COL18A1: variants seen among roughly 807,000 people sequenced by gnomAD.
COL18A1 encodes the protein collagen type XVIII alpha 1 chain.
Under a neutral mutation model 168.0 loss-of-function variants are expected in COL18A1, and 133 were observed. The ratio of observed to expected loss-of-function variants is 0.79; its 90% CI spans 0.69 to 0.91. The LOEUF is 0.91. Among genes scored for constraint, COL18A1 ranks in the 40% least tolerant of loss-of-function variants. COL18A1 has a pLI of 0.00. For synonymous variants in COL18A1, 949 were observed against 809.0 expected (o/e 1.17, Z -2.94); for missense variants, 2,126 against 1,925.4 (o/e 1.10, Z -1.95).
chr21:45,494,841 C>G (rs2036477064), intron 27 of COL18A1, 21 bp from the exon 28 acceptor site: 1 of 1,602,436 alleles, frequency 6.2e-7, no homozygotes, highest in Admixed American at 1.7e-5. Flanking sequence ...CCCACTAAGC[C>G]TGGCCCCCTT....
intron 2 of COL18A1, among the ~76,000 whole-genome samples, chr21:45,438,468 C>G (rs9977609): frequency 0.95 from 140,722 of 148,496 alleles, 66,753 homozygotes; most frequent in East Asian, 0.99. Flanking sequence ...TGCCTGGGCA[C>G]GGAGTGCCGG....
intron 31 of COL18A1, 93 bp downstream of exon 31, chr21:45,497,185 C>T: frequency 1.2e-6 from 1 of 859,200 alleles, no homozygotes; most frequent in Non-Finnish European, 2.0e-6. Context: ...AGTGAGACTC[C>T]CCCAGTGGCC....
chr21:45,414,713 G>T (rs2033393391), intron 2 of COL18A1, among the ~76,000 whole-genome samples: 1 of 152,216 alleles, frequency 6.6e-6, no homozygotes, highest in South Asian at 2.1e-4. Context: ...GGACACTAAT[G>T]TCCCCGAACC....
Position 45,510,256 on chromosome 21 carries a change from C to G in COL18A1, c.3688C>G (p.Leu1230Val). Residue 1230 changes from leucine (L) to valine (V), a missense_variant, in exon 40 of 42, where the codon CTC becomes GTC. Leu to Val is a conservative substitution (Grantham distance 32). Coordinates refer to ENST00000651438, the MANE Select transcript of COL18A1 (RefSeq NM_001379500.1). Reference sequence around the variant, plus strand: ...CCGCGCAGCCGTGCCCATCGTCAACCTCAAGGTGGGTCAGTCCAGTCCTGA... The same window carrying G: ...CCGCGCAGCCGTGCCCATCGTCAACGTCAAGGTGGGTCAGTCCAGTCCTGA... ...ADRAAVPIVNLKDELLFPSWE... is the reference protein window; with the variant it reads ...ADRAAVPIVNVKDELLFPSWE... 1 of 1,604,316 alleles carries G rather than the reference C, an allele frequency of 6.2e-7. No homozygotes were observed. The highest frequency in any genetic ancestry group is 8.5e-7 in the Non-Finnish European group (1 of 1,176,126).
At chr21:45,461,491 G>A (rs1304581422) in intron 2 of COL18A1, among the ~76,000 whole-genome samples, 1 of 152,060 alleles carries the variant, frequency 6.6e-6, no homozygotes, top group East Asian at 1.9e-4. Context: ...GCACCATTAG[G>A]GTGGACACCT....
intron 2 of COL18A1, among the ~76,000 whole-genome samples, chr21:45,434,616 A>C (rs1439369350): frequency 6.6e-6 from 1 of 151,754 alleles, no homozygotes; most frequent in Non-Finnish European, 1.5e-5. Flanking sequence ...AACCCAGTGC[A>C]TCTTCTCCTC....
chr21:45,436,746 G>T (rs1438327977), intron 2 of COL18A1, among the ~76,000 whole-genome samples: 1 of 151,962 alleles, frequency 6.6e-6, no homozygotes, highest in Non-Finnish European at 1.5e-5. Flanking sequence ...AGCCGTGGCT[G>T]TGGGGTCCCT....
chr21:45,417,379 C>T (rs555943587), intron 2 of COL18A1, among the ~76,000 whole-genome samples: 2 of 152,330 alleles, frequency 1.3e-5, no homozygotes, highest in Non-Finnish European at 2.9e-5. Flanking sequence ...CTGGATTGGC[C>T]CCCGAACGTG....
At chr21:45,504,085 C>G in intron 33 of COL18A1, 31 bp downstream of exon 33, 1 of 1,612,178 alleles carries the variant, frequency 6.2e-7, no homozygotes, top group East Asian at 2.2e-5. Context: ...GTTGGGGGCC[C>G]CCAAGGTCCT....
rs1237194263 is a variant in COL18A1, at chr21:45,423,770, C to G, written c.106+18297C>G. 6.6e-6 allele frequency: 1 copy of G among 152,316 alleles called. No individual in the cohort carries two copies. Among genetic ancestry groups the G allele is most frequent in the Non-Finnish European group, 1.5e-5 (1 of 68,102 alleles). The allele number at this position is 152,316 out of a possible 1,614,324, so 9.4% of individuals were successfully genotyped here. A position where few individuals can be genotyped will look rare whatever the true frequency, so the allele number is the denominator to read the frequency against. ...TTCTCCCTGAGTGCATTGCCCATAC[C>G]GGGTGGAGGCAGTTCCGTCCTGCAG... On this transcript the variant is annotated intron_variant, in intron 2 of 41. Transcript: ENST00000651438. This position sits in a 1 kb window ranked among gnomAD's most constrained non-coding sequence, Gnocchi z 4.0.
chr21:45,486,897 G>C lies in COL18A1; in HGVS notation c.1738G>C (p.Gly580Arg), dbSNP rs2036132996. 6.6e-7 allele frequency: 1 copy of C among 1,525,402 alleles called. No homozygotes were observed. The highest frequency in any genetic ancestry group is 2.5e-5 in the East Asian group (1 of 40,418). 94.5% of individuals were successfully genotyped at this position (1,525,402 alleles called of 1,614,324 possible). The change falls in exon 16 of 42, where the codon GGG (glycine) becomes CGG (arginine). Residue 580 changes from glycine (G) to arginine (R), a missense_variant. Coordinates refer to ENST00000651438, the MANE Select transcript of COL18A1 (RefSeq NM_001379500.1). Reference sequence around the variant, plus strand: ...AGCCCCCGGTCCTGCTGGTGCTCGTGGGGAGAGCGGCCTGGCAGGAGCCCC... The same window carrying C: ...AGCCCCCGGTCCTGCTGGTGCTCGTCGGGAGAGCGGCCTGGCAGGAGCCCC... ...KGAPGPAGAR[G>R]ESGLAGAPGP...
rs1170120551 is a variant in COL18A1 at position 45,476,922 on chromosome 21, TG to T, written c.928+443del. Among the ~76,000 whole-genome samples the T allele has an allele frequency of 0.015, 642 of 44,256 alleles. 15 individuals are homozygous for T. In the East Asian group the frequency reaches 0.17, roughly 12 times the overall value. The allele number at this position is 44,256 out of a possible 152,430, so 29.0% of individuals were successfully genotyped here. A position where few individuals can be genotyped will look rare whatever the true frequency, so the allele number is the denominator to read the frequency against. ...TGTGTGTGATGTGTATTATGTGTTT[TG>T]TGTGTGTGTGTGTGTGTGTGTGTGT... On this transcript the variant is annotated intron_variant, in intron 6 of 41. Transcript: ENST00000651438.
In COL18A1 at chr21:45,471,375, T is replaced by C. The variant is rs1602465346; in HGVS notation, c.652-2520T>C. ...CACAAGATTTTCTCAGACTTCTGAA[T>C]TGAGATACTTGGGAAAGAAACATTC... On this transcript the variant is annotated intron_variant, in intron 3 of 41. Coordinates refer to ENST00000651438, the MANE Select transcript of COL18A1 (RefSeq NM_001379500.1). The surrounding 1 kb of genome is among the most constrained non-coding windows in gnomAD (Gnocchi z 4.4). Among the ~76,000 whole-genome samples the C allele has an allele frequency of 1.3e-5, 2 of 152,236 alleles. No individual in the cohort carries two copies. The highest frequency in any genetic ancestry group is 4.8e-5 in the African/African-American group (2 of 41,456).
intron 39 of COL18A1, 125 bp downstream of exon 39, chr21:45,509,726 GCTCAGGGCCA>G (rs1013332937): frequency 4.0e-5 from 29 of 726,722 alleles, no homozygotes; most frequent in African/African-American, 2.4e-4. Flanking sequence ...GGGTCTGGCG[GCTCAGGGCCA>G]CTCAGGGCGG....
chr21:45,484,321 GCA>G lies in COL18A1; in HGVS notation c.1701+1507_1701+1508del, dbSNP rs1555865093. Among the ~76,000 whole-genome samples, 161 of 117,882 alleles carry G rather than the reference GCA, an allele frequency of 1.4e-3. 3 individuals carry two copies. Among genetic ancestry groups the G allele is most frequent in the African/African-American group, 4.3e-3 (113 of 26,148 alleles). 77.3% of individuals were successfully genotyped at this position (117,882 alleles called of 152,430 possible). A position where few individuals can be genotyped will look rare whatever the true frequency, so the allele number is the denominator to read the frequency against. Reference sequence around the variant, plus strand: ...GCACACACACACCTCCAGCATACATGCACACACATGCACACACACATCTCCAG... The same window carrying G: ...GCACACACACACCTCCAGCATACATGCACACATGCACACACACATCTCCAG... On this transcript the variant is annotated intron_variant, in intron 15 of 41. Transcript: ENST00000651438.
At chr21:45,449,319 CATTA>C (rs1337079208) in intron 2 of COL18A1, among the ~76,000 whole-genome samples, 1 of 152,188 alleles carries the variant, frequency 6.6e-6, no homozygotes, top group South Asian at 2.1e-4. Flanking sequence ...CTGTGCTTGG[CATTA>C]ATTTAGGAGC....
At chr21:45,490,485 T>G in intron 20 of COL18A1, 139 bp downstream of exon 20, 1 of 706,006 alleles carries the variant, frequency 1.4e-6, no homozygotes, top group Admixed American at 2.5e-5. Context: ...TGGGCCTCCG[T>G]GTGCCCTCCC....
rs1336964692 is a variant in COL18A1, at chr21:45,425,519, C to T, written c.106+20046C>T. ...ACGGCAGGGGTCACAACCCCACTCA[C>T]CCACACCCTCCTGCATGAACACTGC... On this transcript the variant is annotated intron_variant, in intron 2 of 41. Coordinates refer to ENST00000651438, the MANE Select transcript of COL18A1 (RefSeq NM_001379500.1). This position sits in a 1 kb window ranked among gnomAD's most constrained non-coding sequence, Gnocchi z 4.1. Among the ~76,000 whole-genome samples the T allele has an allele frequency of 6.6e-6, 1 of 152,212 alleles. No individual in the cohort carries two copies. The highest frequency in any genetic ancestry group is 2.4e-5 in the African/African-American group (1 of 41,454).
Position 45,473,962 on chromosome 21 carries a change from A to G in COL18A1, c.719A>G (p.Glu240Gly). 3 of 1,600,212 alleles carry G rather than the reference A, an allele frequency of 1.9e-6. No homozygotes were observed. Among genetic ancestry groups the G allele is most frequent in the Non-Finnish European group, 2.6e-6 (3 of 1,173,710 alleles). The change falls in exon 4 of 42, where the codon GAA becomes GGA. Residue 240 changes from glutamate to glycine, a missense_variant. Coordinates refer to ENST00000651438, the MANE Select transcript of COL18A1 (RefSeq NM_001379500.1). The surrounding 1 kb of genome is among the most constrained non-coding windows in gnomAD (Gnocchi z 4.0). The stretch of plus-strand genomic sequence containing the variant: ...AGCCCCATGCACTGCCTGGACGAGG[A>G]AGGCGATGACTCAGATGGGGTGAGT... ...QVSPMHCLDE[E>G]GDDSDGASGD...
Sources: allele counts gnomAD v4.1 joint callset (sites outside exome capture counted in the v4.1 genomes callset), GRCh38; gene constraint gnomAD v4.1.1; non-coding constraint Gnocchi (gnomAD v3.1); transcripts MANE v1.5; gene names NCBI Gene and HGNC (gene_info 2026-07-23, HGNC 2026-07-21).